Variants in PIK3R6 observed in about 807,000 individuals in gnomAD.
The protein encoded by PIK3R6 is phosphoinositide 3-kinase regulatory subunit 6.
Under a neutral mutation model 84.9 loss-of-function variants are expected in PIK3R6, and 91 were observed. The observed-to-expected ratio is 1.07, with a 90% CI of 0.90 to 1.28. PIK3R6 has a LOEUF of 1.28. Ranked by LOEUF, PIK3R6 falls within the 50% of genes most tolerant of loss-of-function variation. The pLI is 0.00. For synonymous variants in PIK3R6, 416 were observed against 411.4 expected, an observed-to-expected ratio of 1.01 and a Z score of -0.13; for missense variants, 996 against 985.1, an observed-to-expected ratio of 1.01 and a Z score of -0.15.
At chr17:8,836,149 A>C (rs534881143) in intron 7 of PIK3R6, among the ~76,000 whole-genome samples, 7 of 152,284 alleles carry the variant, frequency 4.6e-5, no homozygotes, top group African/African-American at 1.7e-4. Context: ...TTCATTGTGC[A>C]CTTGCGCCTG....
rs867508307 is a variant in PIK3R6 at position 8,803,343 on chromosome 17, A to C, written c.2195T>G (p.Val732Gly). ...PWLNLHGQQE[V>G]EAIKAKPKPL... ...CTTGGGCTTGGCTTTGATTGCTTCCACCTCCTGTTGCCCATGCAAATTGAG... is the reference window on the plus strand; with the variant it reads ...CTTGGGCTTGGCTTTGATTGCTTCCCCCTCCTGTTGCCCATGCAAATTGAG... The change falls in exon 20 of 20, where the codon GTG (valine) becomes GGG (glycine). Residue 732 changes from valine to glycine, a missense_variant. Physicochemically the swap from Val to Gly is moderately radical, Grantham distance 109. Transcript: ENST00000619866. This position sits in a 1 kb window ranked among gnomAD's most constrained non-coding sequence, Gnocchi z 5.0. 1 of 1,613,244 alleles carries C rather than the reference A, an allele frequency of 6.2e-7. No individual in the cohort carries two copies. Among genetic ancestry groups the C allele is most frequent in the African/African-American group, 1.3e-5 (1 of 74,880 alleles).
chr17:8,809,609 A>C (rs2087296807), intron 18 of PIK3R6, among the ~76,000 whole-genome samples: 1 of 152,176 alleles, frequency 6.6e-6, no homozygotes, highest in African/African-American at 2.4e-5. Flanking sequence ...AGCCTGGGCA[A>C]CGTAGTGAAA....
chr17:8,803,316 G>A lies in PIK3R6; in HGVS notation c.2222C>T (p.Pro741Leu). The change falls in exon 20 of 20, where the codon CCC becomes CTC. Residue 741 changes from proline (P) to leucine (L), a missense_variant. Physicochemically the swap from Pro to Leu is moderately conservative, Grantham distance 98. Transcript: ENST00000619866. This position sits in a 1 kb window ranked among gnomAD's most constrained non-coding sequence, Gnocchi z 5.0. ...GAATGTGTTGATGGGCATCAGAAGG[G>A]GCTTGGGCTTGGCTTTGATTGCTTC... ...EVEAIKAKPK[P>L]LLMPINTFSG... The A allele has an allele frequency of 2.5e-6, 4 of 1,613,120 alleles. No homozygotes were observed. The highest frequency in any genetic ancestry group is 3.4e-6 in the Non-Finnish European group (4 of 1,179,868).
Position 8,828,982 on chromosome 17 carries a change from G to T in PIK3R6, c.898C>A (p.Leu300Met), listed in dbSNP as rs1034687034. 6.7e-7 allele frequency: 1 copy of T among 1,497,960 alleles called. No individual in the cohort carries two copies. The highest frequency in any genetic ancestry group is 8.9e-7 in the Non-Finnish European group (1 of 1,123,958). 92.8% of individuals were successfully genotyped at this position (1,497,960 alleles called of 1,614,324 possible). A position where few individuals can be genotyped will look rare whatever the true frequency, so the allele number is the denominator to read the frequency against. The change falls in exon 11 of 20, where the codon CTG becomes ATG. Residue 300 changes from leucine to methionine, a missense_variant. Physicochemically the swap from Leu to Met is conservative, Grantham distance 15. Coordinates refer to ENST00000619866, the MANE Select transcript of PIK3R6 (RefSeq NM_001010855.4). ...WTGEEQLWKE[L>M]VLFLRPRSQL... Reference sequence around the variant, plus strand: ...GATCTTGGGCGGAGGAAGAGCACCAGTTCCTTCCCTGGGGTGGGGGAACAA... The same window carrying T: ...GATCTTGGGCGGAGGAAGAGCACCATTTCCTTCCCTGGGGTGGGGGAACAA...
chr17:8,832,508 G>A (rs1004916269), intron 9 of PIK3R6, among the ~76,000 whole-genome samples: 19 of 148,006 alleles, frequency 1.3e-4, no homozygotes, highest in Admixed American at 4.8e-4. Context: ...TCAGCATCCC[G>A]AGTAGCTGGG....
At chr17:8,840,051 G>A (rs28755912) in intron 2 of PIK3R6, among the ~76,000 whole-genome samples, 61,402 of 150,950 alleles carry the variant, frequency 0.41, 12,972 homozygotes, top group African/African-American at 0.5. Flanking sequence ...TATGTGAAAT[G>A]TATATATCCT....
intron 10 of PIK3R6, among the ~76,000 whole-genome samples, chr17:8,829,447 C>T (rs1178158393): frequency 6.6e-6 from 1 of 151,082 alleles, no homozygotes; most frequent in African/African-American, 2.4e-5. Flanking sequence ...CACACACTGA[C>T]ACGCATCCAC....
chr17:8,837,574 C>T (rs902452078), intron 5 of PIK3R6, among the ~76,000 whole-genome samples: 1 of 152,164 alleles, frequency 6.6e-6, no homozygotes, highest in Non-Finnish European at 1.5e-5. Flanking sequence ...CACACAGGAG[C>T]AAACCCAAAG....
chr17:8,866,548 C>T lies in PIK3R6; in HGVS notation c.-92+981G>A, dbSNP rs549705846. Among the ~76,000 whole-genome samples, 12 of 152,122 alleles carry T rather than the reference C, an allele frequency of 7.9e-5. 1 individual carries two copies. In the South Asian group the frequency reaches 2.5e-3, roughly 32 times the overall value. On this transcript the variant is annotated intron_variant, in intron 1 of 19. Transcript: ENST00000619866. ...AAGCGTGAGACTGTCTCAACAACAA[C>T]AAAAAAGGACCGGCCTGCGAGTGCT... is the stretch of plus-strand genomic sequence containing the variant.
intron 1 of PIK3R6, among the ~76,000 whole-genome samples, chr17:8,854,770 C>T (rs1264859004): frequency 6.6e-6 from 1 of 152,138 alleles, no homozygotes; most frequent in Non-Finnish European, 1.5e-5. Flanking sequence ...GGAAAAAATC[C>T]TTGTAACCTC....
Position 8,849,853 on chromosome 17 carries a change from A to G in PIK3R6, c.-59T>C, listed in dbSNP as rs1444493915. 1 of 1,595,922 alleles carries G rather than the reference A, an allele frequency of 6.3e-7. No homozygotes were observed. The highest frequency in any genetic ancestry group is 8.5e-7 in the Non-Finnish European group (1 of 1,171,116). Reference sequence around the variant, plus strand: ...GTTGTCTCGGGCAGCAGAATAGAGAACAAGGTGGTTGCTTTTCTGCACAGA... The same window carrying G: ...GTTGTCTCGGGCAGCAGAATAGAGAGCAAGGTGGTTGCTTTTCTGCACAGA... On this transcript the variant is annotated 5_prime_UTR_variant, in exon 2 of 20. Coordinates refer to ENST00000619866, the MANE Select transcript of PIK3R6 (RefSeq NM_001010855.4).
intron 18 of PIK3R6, among the ~76,000 whole-genome samples, chr17:8,813,581 A>C (rs375517262): frequency 1.3e-5 from 2 of 152,352 alleles, no homozygotes; most frequent in African/African-American, 4.8e-5. Context: ...GTTTTATTCC[A>C]ACAATGCAAG....
intron 18 of PIK3R6, among the ~76,000 whole-genome samples, chr17:8,811,714 A>G (rs113009146): frequency 0.042 from 6,223 of 147,996 alleles, 981 homozygotes; most frequent in African/African-American, 0.15. Context: ...CCTCATTTCC[A>G]TCTGAGACCA....
At position 8,854,259 on chromosome 17, in the gene PIK3R6, C is replaced by G. The variant is rs2151305228; in HGVS notation, c.-91-4374G>C. On this transcript the variant is annotated intron_variant, in intron 1 of 19. Coordinates refer to ENST00000619866, the MANE Select transcript of PIK3R6 (RefSeq NM_001010855.4). ...CGCCTCCTGGGTTCAAGCAATTCTC[C>G]TGCTTCAGCCTCCCAGGTAGCTGGG... is the stretch of plus-strand genomic sequence containing the variant. 2.0e-5 allele frequency among the ~76,000 whole-genome samples: 3 copies of G among 152,224 alleles called. No homozygotes were observed. In the Middle Eastern group the frequency reaches 0.01, roughly 518 times the overall value.
intron 2 of PIK3R6, among the ~76,000 whole-genome samples, chr17:8,848,257 T>C (rs1164575713): frequency 6.6e-6 from 1 of 152,228 alleles, no homozygotes; most frequent in African/African-American, 2.4e-5. Context: ...TCAGTTTCTA[T>C]TGCTTATATA....
At chr17:8,822,051 T>TA in intron 16 of PIK3R6, 115 bp from the exon 17 acceptor site, 23 of 645,530 alleles carry the variant, frequency 3.6e-5, no homozygotes, top group South Asian at 7.0e-5. Context: ...GCTGTGAGAG[T>TA]CTTTTTTTTT....
At chr17:8,836,512 A>C in intron 7 of PIK3R6, 35 bp downstream of exon 7, 1 of 1,609,298 alleles carries the variant, frequency 6.2e-7, no homozygotes, top group African/African-American at 1.3e-5. Context: ...CAGTTTTAGG[A>C]GGCTGAAGGT....
At position 8,835,354 on chromosome 17, in the gene PIK3R6, G is replaced by A; in HGVS notation, c.564C>T (p.Cys188=). 6.2e-7 allele frequency: 1 copy of A among 1,611,498 alleles called. No homozygotes were observed. The highest frequency in any genetic ancestry group is 8.5e-7 in the Non-Finnish European group (1 of 1,178,312). The change falls in exon 8 of 20, where the codon TGC becomes TGT. Residue 188 remains cysteine, a synonymous_variant. Transcript: ENST00000619866. Reference sequence around the variant, plus strand: ...GGGCGTGGGAGACCACGTGGCGCATGCAGGTCTCTGGTGTCTGCTGCGCCT... The same window carrying A: ...GGGCGTGGGAGACCACGTGGCGCATACAGGTCTCTGGTGTCTGCTGCGCCT... ...AAQAQQTPET[C]MRHVVSHALQ... is the part of the protein sequence containing the mutation.
intron 1 of PIK3R6, among the ~76,000 whole-genome samples, chr17:8,852,499 G>A (rs2088995416): frequency 6.6e-6 from 1 of 152,152 alleles, no homozygotes; most frequent in Non-Finnish European, 1.5e-5. Context: ...CAGCACTTGG[G>A]GAGGCCGAGG....
Sources: allele counts gnomAD v4.1 joint callset (sites outside exome capture counted in the v4.1 genomes callset), GRCh38; gene constraint gnomAD v4.1.1; non-coding constraint Gnocchi (gnomAD v3.1); transcripts MANE v1.5; gene names NCBI Gene and HGNC (gene_info 2026-07-23, HGNC 2026-07-21).